The following TUBGCP2 variants were observed in gnomAD, a reference collection of about 807,000 sequenced individuals.
The protein encoded by TUBGCP2 is tubulin gamma complex component 2, also known as gamma-tubulin complex component 2.
A neutral mutation model predicts 92.2 loss-of-function variants in TUBGCP2; 55 were observed. That is an observed-to-expected ratio of 0.60 (90% confidence interval 0.48 to 0.75). The LOEUF (loss-of-function observed/expected upper bound fraction) is 0.75. Ranked by LOEUF, TUBGCP2 falls within the 30% of genes least tolerant of loss-of-function variation. The pLI, the probability that TUBGCP2 is intolerant of heterozygous loss-of-function variation, is 0.00. For synonymous variants in TUBGCP2, 533 were observed against 505.2 expected, an observed-to-expected ratio of 1.06 and a Z score of -0.74; for missense variants, 1,093 against 1,188.9, an observed-to-expected ratio of 0.92 and a Z score of 1.19.
At position 133,279,552 on chromosome 10, in the gene TUBGCP2, A is replaced by G; in HGVS notation, c.*214T>C. The G allele has an allele frequency of 1.5e-6, 1 of 680,760 alleles. No individual in the cohort carries two copies. The highest frequency in any genetic ancestry group is 2.3e-6 in the Non-Finnish European group (1 of 442,238). 42.2% of individuals were successfully genotyped at this position (680,760 alleles called of 1,614,324 possible). On this transcript the variant is annotated 3_prime_UTR_variant, in exon 18 of 18. Coordinates refer to ENST00000252936, the MANE Select transcript of TUBGCP2 (RefSeq NM_006659.4). The stretch of plus-strand genomic sequence containing the variant: ...GATAGTGTAATTTCAAAAAGCAAAC[A>G]GATTAGCAAATCCAGGGAGACATCC...
At chr10:133,280,606 A>T (rs1479164900) in intron 17 of TUBGCP2, among the ~76,000 whole-genome samples, 1 of 152,210 alleles carries the variant, frequency 6.6e-6, no homozygotes, top group Non-Finnish European at 1.5e-5. Context: ...GTTGCACAGA[A>T]TGTCACACCC....
chr10:133,301,750 A>C (rs576850145), intron 2 of TUBGCP2: 1 of 98,022 alleles, frequency 1.0e-5, no homozygotes, highest in East Asian at 3.3e-4. Context: ...TCTCACTCTG[A>C]CGCCCAGGCT....
At chr10:133,294,074 T>C (rs957728218) in intron 5 of TUBGCP2, among the ~76,000 whole-genome samples, 3 of 152,250 alleles carry the variant, frequency 2.0e-5, no homozygotes, top group Non-Finnish European at 4.4e-5. Flanking sequence ...AAAAGGCGAC[T>C]CCAGCAGAAG....
At chr10:133,302,732 C>CCACCCTGACCCAGGAACAGTGCT in intron 2 of TUBGCP2, 60 bp downstream of exon 2, 1 of 1,600,512 alleles carries the variant, frequency 6.2e-7, no homozygotes, top group Non-Finnish European at 8.5e-7. Context: ...TCACCCTGCA[C>CCACCCTGACCCAGGAACAGTGCT]CACCCTGACC....
At chr10:133,282,997 C>A in intron 15 of TUBGCP2, 81 bp downstream of exon 15, 1 of 1,558,134 alleles carries the variant, frequency 6.4e-7, no homozygotes, top group Non-Finnish European at 8.7e-7. Flanking sequence ...AAAACGTGAG[C>A]AGGCTGCGTG....
In TUBGCP2 at chr10:133,283,139, T is replaced by C. The variant is rs1179097587; in HGVS notation, c.2228A>G (p.Glu743Gly). 6.2e-7 allele frequency: 1 copy of C among 1,614,156 alleles called. No individual in the cohort carries two copies. The highest frequency in any genetic ancestry group is 8.5e-7 in the Non-Finnish European group (1 of 1,180,034). ...CLKDCMLTNP[E>G]LLKVFSKLMS... ...GAGCTTGGAGAAGACCTTCAGCAGC[T>C]CGGGGTTGGTGAGCATGCAGTCCTT... Residue 743 changes from glutamate (E) to glycine (G), a missense_variant, in exon 15 of 18, where the codon GAG (glutamate) becomes GGG (glycine). By Grantham distance (98) the Glu-to-Gly change is moderately conservative. Transcript: ENST00000252936.
rs1554935346 is a variant in TUBGCP2 at position 133,289,811 on chromosome 10, C to CGCTGCGCTAAGGACCCCAGGTCCCTGCCT, written c.1360+12_1360+13insAGGCAGGGACCTGGGGTCCTTAGCGCAGC. Reference sequence around the variant, plus strand: ...GTGCTGCGCACCCCAAGTCCCCGCCCGCTGCGCCGCACCTGTGCTGAGGAT... The same window carrying CGCTGCGCTAAGGACCCCAGGTCCCTGCCT: ...GTGCTGCGCACCCCAAGTCCCCGCCCGCTGCGCTAAGGACCCCAGGTCCCTGCCTGCTGCGCCGCACCTGTGCTGAGGAT... On this transcript the variant is annotated intron_variant, in intron 9 of 17. Transcript: ENST00000252936. 3 of 1,612,974 alleles carry CGCTGCGCTAAGGACCCCAGGTCCCTGCCT rather than the reference C, an allele frequency of 1.9e-6. 1 individual carries two copies. The highest frequency in any genetic ancestry group is 2.5e-6 in the Non-Finnish European group (3 of 1,179,686).
chr10:133,289,361 C>T (rs559871827), intron 9 of TUBGCP2, among the ~76,000 whole-genome samples: 19 of 152,318 alleles, frequency 1.2e-4, no homozygotes, highest in African/African-American at 4.6e-4. Context: ...GATGGCTAAT[C>T]GCTTCCCAAC....
rs1420052941 is a variant in TUBGCP2, at chr10:133,279,556, T to C, written c.*210A>G. The C allele has an allele frequency of 2.9e-6, 2 of 696,330 alleles. No homozygotes were observed. The highest frequency in any genetic ancestry group is 4.4e-6 in the Non-Finnish European group (2 of 456,426). 43.1% of individuals were successfully genotyped at this position (696,330 alleles called of 1,614,324 possible). A position where few individuals can be genotyped will look rare whatever the true frequency, so the allele number is the denominator to read the frequency against. ...GTGTAATTTCAAAAAGCAAACAGAT[T>C]AGCAAATCCAGGGAGACATCCACCC... On this transcript the variant is annotated 3_prime_UTR_variant, in exon 18 of 18. Transcript: ENST00000252936.
rs3008344 is a variant in TUBGCP2 at position 133,293,214 on chromosome 10, G to A, written c.849C>T (p.Phe283=). ...VTRFIEEKSS[F]EYGQVNHALA... ...GGGCGTGGTTCACCTGCCCGTACTCGAAGGAAGACTTCTCTTCAATGAACC... is the reference window on the plus strand; with the variant it reads ...GGGCGTGGTTCACCTGCCCGTACTCAAAGGAAGACTTCTCTTCAATGAACC... The change falls in exon 7 of 18, where the codon TTC becomes TTT. Residue 283 remains phenylalanine (F), a synonymous_variant. Transcript: ENST00000252936. The A allele has an allele frequency of 6.7e-4, 1,077 of 1,613,714 alleles. 6 individuals are homozygous for A. In the African/African-American group the frequency reaches 0.011, roughly 16 times the overall value.
intron 8 of TUBGCP2, among the ~76,000 whole-genome samples, chr10:133,291,401 CCTGTACGGGAGAGGGCAGCATGCACCG>C (rs1847305117): frequency 0.023 from 6 of 256 alleles, no homozygotes; most frequent in Middle Eastern, 0.5. Flanking sequence ...GGGAGCCCTA[CCTGTACGGGAGAGGGCAGCATGCACCG>C]TCCGTGTCCC....
Position 133,299,887 on chromosome 10 carries a change from G to A in TUBGCP2, c.279+98C>T, listed in dbSNP as rs908361503. On this transcript the variant is annotated intron_variant, in intron 3 of 17. Coordinates refer to ENST00000252936, the MANE Select transcript of TUBGCP2 (RefSeq NM_006659.4). Reference sequence around the variant, plus strand: ...AAGCGTTACTGGTGTGAGCGAGGAAGAGCTGACAGGAAGATGGCGTGGAGT... The same window carrying A: ...AAGCGTTACTGGTGTGAGCGAGGAAAAGCTGACAGGAAGATGGCGTGGAGT... The A allele has an allele frequency of 4.0e-6, 6 of 1,498,594 alleles. No homozygotes were observed. In the Admixed American group the frequency reaches 1.0e-4, roughly 26 times the overall value. 92.8% of individuals were successfully genotyped at this position (1,498,594 alleles called of 1,614,324 possible).
At chr10:133,297,491 CTG>C (rs1847517512) in intron 5 of TUBGCP2, 1 of 426,042 alleles carries the variant, frequency 2.3e-6, no homozygotes, top group Admixed American at 2.8e-5. Flanking sequence ...CTTGAAATGA[CTG>C]TGTGGTCTCA....
chr10:133,293,628 T>A lies in TUBGCP2; in HGVS notation c.758A>T (p.Asp253Val), dbSNP rs1435491646. The change falls in exon 6 of 18, where the codon GAC becomes GTC. Residue 253 changes from aspartate to valine, a missense_variant. This residue lies in a region of TUBGCP2 where 490 missense variants were observed against 488.5 expected (regional missense o/e 1.00). Transcript: ENST00000252936. ...SRTFLVDPNL[D>V]LSIRELVHRI... ...GTGCACCAGCTCCCTGATGGACAGG[T>A]CCAGGTTGGGGTCCACGAGGAAGGT... The A allele has an allele frequency of 6.4e-7, 1 of 1,572,116 alleles. No homozygotes were observed. The highest frequency in any genetic ancestry group is 2.3e-5 in the East Asian group (1 of 42,690).
At chr10:133,296,641 C>T (rs2136130919) in intron 5 of TUBGCP2, among the ~76,000 whole-genome samples, 1 of 152,204 alleles carries the variant, frequency 6.6e-6, no homozygotes, top group East Asian at 1.9e-4. Context: ...CCACACTCGG[C>T]TAATTTTCAC....
chr10:133,284,779 T>C (rs1467866022), intron 13 of TUBGCP2, among the ~76,000 whole-genome samples: 3 of 152,090 alleles, frequency 2.0e-5, no homozygotes, highest in East Asian at 3.9e-4. Context: ...CGGGAGGAGC[T>C]AGTGTCCTGC....
At chr10:133,302,692 C>T in intron 2 of TUBGCP2, 100 bp downstream of exon 2, 2 of 1,507,316 alleles carry the variant, frequency 1.3e-6, no homozygotes, top group South Asian at 2.4e-5. Context: ...AGGAACGGCG[C>T]TCACCCTGCA....
intron 5 of TUBGCP2, 134 bp downstream of exon 5, chr10:133,297,818 C>CG (rs888539344): frequency 1.5e-5 from 20 of 1,359,562 alleles, no homozygotes; most frequent in Non-Finnish European, 1.7e-5. Flanking sequence ...AAGGCAGGCC[C>CG]GGGGGAGGGC....
At chr10:133,311,557 A>G, upstream of TUBGCP2, 1 of 617,908 alleles carries the variant, frequency 1.6e-6, no homozygotes, top group Non-Finnish European at 2.8e-6. Context: ...TCCTTTTCCC[A>G]GTATCTTAAA....
Sources: allele counts gnomAD v4.1 joint callset (sites outside exome capture counted in the v4.1 genomes callset), GRCh38; gene constraint gnomAD v4.1.1; regional missense constraint gnomAD v4.1.1; transcripts MANE v1.5; gene names NCBI Gene and HGNC (gene_info 2026-07-23, HGNC 2026-07-21).